The following PDE3B variants were observed in gnomAD, a reference collection of about 807,000 sequenced individuals.
The protein encoded by PDE3B is cGMP-inhibited 3',5'-cyclic phosphodiesterase 3B.
A neutral mutation model predicts 116.8 loss-of-function variants in PDE3B; 66 were observed. That is an observed-to-expected ratio of 0.56 (90% CI 0.46 to 0.69). The LOEUF (loss-of-function observed/expected upper bound fraction) is 0.69. Among genes scored for constraint, PDE3B ranks in the 30% least tolerant of loss-of-function variants. PDE3B has a pLI of 0.00. For synonymous variants in PDE3B, 595 were observed against 533.6 expected (o/e 1.12, Z -1.59); for missense variants, 1,384 against 1,368.1 (o/e 1.01, Z -0.18).
At chr11:14,663,595 A>G (rs1006728342) in intron 1 of PDE3B, among the ~76,000 whole-genome samples, 1 of 152,224 alleles carries the variant, frequency 6.6e-6, no homozygotes, top group East Asian at 1.9e-4. Flanking sequence ...CCAATGGAAA[A>G]CAAAAAAAGG....
intron 1 of PDE3B, among the ~76,000 whole-genome samples, chr11:14,691,043 G>A (rs1396583775): frequency 1.3e-5 from 2 of 152,160 alleles, no homozygotes; most frequent in Non-Finnish European, 2.9e-5. Context: ...TTAAAGCAGT[G>A]TAGAAATAGT....
chr11:14,787,449 T>C (rs137953042), intron 3 of PDE3B, among the ~76,000 whole-genome samples: 1 of 152,116 alleles, frequency 6.6e-6, no homozygotes, highest in East Asian at 1.9e-4. Flanking sequence ...TTTATTTCAG[T>C]TAATTTTGTC....
chr11:14,795,583 T>A (rs1304032023), intron 4 of PDE3B, among the ~76,000 whole-genome samples: 1 of 152,164 alleles, frequency 6.6e-6, no homozygotes, highest in Non-Finnish European at 1.5e-5. Flanking sequence ...GAATGTATGA[T>A]ATACTGAAAT....
intron 5 of PDE3B, among the ~76,000 whole-genome samples, chr11:14,813,088 C>A (rs1859202725): frequency 6.6e-6 from 1 of 152,136 alleles, no homozygotes. Context: ...TTCCCAGCCT[C>A]CAGAACTGTG....
At chr11:14,867,444 G>T in intron 14 of PDE3B, 62 bp from the exon 15 acceptor site, 1 of 1,433,362 alleles carries the variant, frequency 7.0e-7, no homozygotes, top group Non-Finnish European at 9.5e-7. Flanking sequence ...AATTTTAACA[G>T]CAAAGCTCAG....
chr11:14,803,503 G>A lies in PDE3B; in HGVS notation c.1416-441G>A, dbSNP rs569209786. Among the ~76,000 whole-genome samples, 81 of 152,294 alleles carry A rather than the reference G, an allele frequency of 5.3e-4. 1 individual carries two copies. Among genetic ancestry groups the A allele is most frequent in the African/African-American group, 1.9e-3 (80 of 41,562 alleles). ...GTGTGGATTATCTGGCCCCACCCAAGACTTAGTGAATCAGAAACCTTGGGG... is the reference window on the plus strand; with the variant it reads ...GTGTGGATTATCTGGCCCCACCCAAAACTTAGTGAATCAGAAACCTTGGGG... On this transcript the variant is annotated intron_variant, in intron 4 of 15. Transcript: ENST00000282096.
At chr11:14,689,973 A>T (rs1040111485) in intron 1 of PDE3B, among the ~76,000 whole-genome samples, 1 of 152,138 alleles carries the variant, frequency 6.6e-6, no homozygotes, top group Non-Finnish European at 1.5e-5. Flanking sequence ...TAGGATTTAC[A>T]TTTAGTTTGG....
intron 1 of PDE3B, among the ~76,000 whole-genome samples, chr11:14,647,685 CAT>C (rs1014918316): frequency 4.6e-5 from 7 of 151,914 alleles, no homozygotes; most frequent in African/African-American, 1.7e-4. Flanking sequence ...AAAATTATTA[CAT>C]GTTCATTTCC....
At chr11:14,672,894 G>C (rs1854415213) in intron 1 of PDE3B, among the ~76,000 whole-genome samples, 2 of 151,200 alleles carry the variant, frequency 1.3e-5, no homozygotes, top group South Asian at 2.1e-4. Flanking sequence ...GTTTTTAGCT[G>C]GGGAGTCATA....
intron 1 of PDE3B, among the ~76,000 whole-genome samples, chr11:14,755,153 A>G (rs1857151320): frequency 1.3e-5 from 2 of 152,206 alleles, no homozygotes; most frequent in Admixed American, 6.5e-5. Context: ...ATGACAATGA[A>G]TGTTGTTTGA....
chr11:14,776,229 C>G (rs1172635858), intron 2 of PDE3B: 1 of 152,226 alleles, frequency 6.6e-6, no homozygotes, highest in East Asian at 1.9e-4. Flanking sequence ...TCTGGTGGCT[C>G]TAGCAAGGGG....
intron 1 of PDE3B, among the ~76,000 whole-genome samples, chr11:14,676,115 C>G (rs1395285161): frequency 2.6e-5 from 4 of 151,978 alleles, no homozygotes; most frequent in African/African-American, 9.7e-5. Flanking sequence ...TTCTTATTGA[C>G]CATTTATGTA....
intron 1 of PDE3B, among the ~76,000 whole-genome samples, chr11:14,708,947 T>A (rs1855615683): frequency 6.6e-6 from 1 of 152,134 alleles, no homozygotes. Flanking sequence ...ATACTAAAAA[T>A]GGGTTAAAGT....
At chr11:14,665,913 A>G (rs1452355751) in intron 1 of PDE3B, among the ~76,000 whole-genome samples, 1 of 152,216 alleles carries the variant, frequency 6.6e-6, no homozygotes, top group Non-Finnish European at 1.5e-5. Flanking sequence ...GACTTTCTTC[A>G]CAGAATTGGA....
At chr11:14,884,448 C>T in the PDE3B span, among the ~76,000 whole-genome samples, 6 of 147,858 alleles carry the variant, frequency 4.1e-5, no homozygotes, top group Admixed American at 7.0e-5. Context: ...AACCAAACAC[C>T]GCATATTCTC....
intron 1 of PDE3B, among the ~76,000 whole-genome samples, chr11:14,690,244 TG>T (rs2133805582): frequency 6.6e-6 from 1 of 152,280 alleles, no homozygotes; most frequent in Admixed American, 6.5e-5. Flanking sequence ...CCAAATCGAA[TG>T]GTTTATAAAT....
rs749764889 is a variant in PDE3B, at chr11:14,644,175, A to C, written c.100A>C (p.Ser34Arg). The C allele has an allele frequency of 6.3e-6, 10 of 1,595,766 alleles. No homozygotes were observed. The highest frequency in any genetic ancestry group is 8.5e-6 in the Non-Finnish European group (10 of 1,177,634). ...GAGTCTGAGGAACGGCTACGTGAAG[A>C]GCTGCGTGAGCCCCTTGCGGCAGGA... ...PESLRNGYVKSCVSPLRQDPP... is the reference protein window; with the variant it reads ...PESLRNGYVKRCVSPLRQDPP... The change falls in exon 1 of 16, where the codon AGC becomes CGC. Residue 34 changes from serine (S) to arginine (R), a missense_variant. Physicochemically the swap from Ser to Arg is moderately radical, Grantham distance 110. Around this residue, in one of 2 missense-constraint regions of PDE3B, gnomAD observed 956 missense variants for 806.8 expected, o/e 1.18. Coordinates refer to ENST00000282096, the MANE Select transcript of PDE3B (RefSeq NM_000922.4).
chr11:14,846,054 G>C (rs1339187651), intron 12 of PDE3B, among the ~76,000 whole-genome samples: 1 of 152,122 alleles, frequency 6.6e-6, no homozygotes, highest in Non-Finnish European at 1.5e-5. Context: ...CACCAAAGTT[G>C]AAATGAAGGA....
intron 12 of PDE3B, among the ~76,000 whole-genome samples, chr11:14,853,617 A>G (rs1351043988): frequency 2.6e-5 from 4 of 152,226 alleles, no homozygotes; most frequent in Non-Finnish European, 5.9e-5. Flanking sequence ...AATTAATGAA[A>G]GATATTATAG....
Sources: gnomAD v4.1 joint callset for allele counts (sites outside exome capture counted in the v4.1 genomes callset) on GRCh38, gnomAD v4.1.1 for gene constraint, gnomAD v4.1.1 regional missense constraint, MANE v1.5 for transcripts, NCBI Gene and HGNC (gene_info 2026-07-23, HGNC 2026-07-21) for gene names.